Variants in PDE6C observed in about 807,000 individuals in gnomAD.
PDE6C encodes phosphodiesterase 6C, also known as cone cGMP-specific 3',5'-cyclic phosphodiesterase subunit alpha'.
Under a neutral mutation model 113.1 loss-of-function variants are expected in PDE6C, and 75 were observed. The observed-to-expected ratio is 0.66, with a 90% CI of 0.55 to 0.80. The LOEUF (loss-of-function observed/expected upper bound fraction) is 0.80. PDE6C is among the 30% of genes least tolerant of loss of function. PDE6C has a pLI of 0.00. For missense variants in PDE6C, 912 were observed against 1,038.6 expected (o/e 0.88, Z 1.67); for synonymous variants, 375 against 363.7 (o/e 1.03, Z -0.35).
intron 5 of PDE6C, among the ~76,000 whole-genome samples, chr10:93,625,938 A>C: frequency 6.6e-6 from 1 of 152,202 alleles, no homozygotes; most frequent in Non-Finnish European, 1.5e-5. Flanking sequence ...CAACATTTTA[A>C]AGAAGTACCT....
Position 93,620,968 on chromosome 10 carries a change from C to T in PDE6C, c.711C>T (p.Ser237=), listed in dbSNP as rs772619641. 1.9e-6 allele frequency: 3 copies of T among 1,613,358 alleles called. No homozygotes were observed. In the Admixed American group the frequency reaches 5.0e-5, roughly 27 times the overall value. The part of the protein sequence containing the change: ...HHTSYMYNIE[S]RRSQILMWSA... ...CCAGCTACATGTACAATATTGAATC[C>T]CGAAGAAGCCAGGTAAAAGGAAGGC... The change falls in exon 3 of 22, where the codon TCC becomes TCT. Residue 237 remains serine (S), a synonymous_variant. Coordinates refer to ENST00000371447, the MANE Select transcript of PDE6C (RefSeq NM_006204.4).
intron 1 of PDE6C, among the ~76,000 whole-genome samples, chr10:93,616,747 A>G (rs1345059843): frequency 1.4e-5 from 2 of 139,290 alleles, no homozygotes; most frequent in Non-Finnish European, 3.0e-5. Context: ...TCTGCCTCCC[A>G]AGTTAGAGCC....
intron 15 of PDE6C, among the ~76,000 whole-genome samples, chr10:93,650,866 CAT>C (rs143950050): frequency 0.011 from 1,573 of 148,600 alleles, 28 homozygotes; most frequent in African/African-American, 0.035. Context: ...CTTTTTCCCA[CAT>C]GTCTGTTTTA....
intron 8 of PDE6C, among the ~76,000 whole-genome samples, chr10:93,630,668 C>G (rs2058496989): frequency 6.6e-6 from 1 of 152,086 alleles, no homozygotes; most frequent in Non-Finnish European, 1.5e-5. Context: ...GTTTTTCTGT[C>G]TCTCTCACAT....
chr10:93,633,653 A>G (rs1178638730), intron 8 of PDE6C, among the ~76,000 whole-genome samples: 2 of 152,150 alleles, frequency 1.3e-5, no homozygotes, highest in Non-Finnish European at 2.9e-5. Flanking sequence ...AGTTCCTGGC[A>G]TACCACAGAG....
At chr10:93,615,184 T>C (rs2058414523) in intron 1 of PDE6C, among the ~76,000 whole-genome samples, 1 of 151,966 alleles carries the variant, frequency 6.6e-6, no homozygotes. Context: ...CCCAGCTACT[T>C]GGAAGGTTGA....
intron 1 of PDE6C, among the ~76,000 whole-genome samples, chr10:93,614,493 TAGGGCAAAGTTCTCTA>T (rs1410802037): frequency 3.3e-5 from 5 of 152,320 alleles, no homozygotes; most frequent in Admixed American, 2.6e-4. Flanking sequence ...TGCTCATCCT[TAGGGCAAAGTTCTCTA>T]GACAACCAAC....
chr10:93,630,230 A>G (rs1009646997), intron 8 of PDE6C, among the ~76,000 whole-genome samples: 1 of 151,998 alleles, frequency 6.6e-6, no homozygotes, highest in Admixed American at 6.6e-5. Flanking sequence ...AGATGCTCCC[A>G]GGAATCAGCT....
chr10:93,658,724 T>C (rs2133877104), intron 16 of PDE6C, among the ~76,000 whole-genome samples, 177 bp from the exon 17 acceptor site: 1 of 152,088 alleles, frequency 6.6e-6, no homozygotes, highest in South Asian at 2.1e-4. Context: ...CTTAAACCCT[T>C]TCTGAGCCAA....
chr10:93,634,959 A>C, intron 9 of PDE6C, 52 bp downstream of exon 9: 3 of 1,565,466 alleles, frequency 1.9e-6, no homozygotes, highest in Non-Finnish European at 2.6e-6. Flanking sequence ...AAAATAAGAG[A>C]GGGCACGTAA....
rs762930060 is a variant in PDE6C at position 93,659,000 on chromosome 10, G to C, written c.2136G>C (p.Glu712Asp). The C allele has an allele frequency of 1.9e-6, 3 of 1,597,680 alleles. No individual in the cohort carries two copies. Among genetic ancestry groups the C allele is most frequent in the Non-Finnish European group, 2.6e-6 (3 of 1,165,340 alleles). The change falls in exon 17 of 22, where the codon GAG (glutamate) becomes GAC (aspartate). Residue 712 changes from glutamate to aspartate, a missense_variant. Transcript: ENST00000371447. Reference sequence around the variant, plus strand: ...TAACTGTTGATCCAACCAAGAAAGAGATTATCATGTAGGTAGTTGAAATTG... The same window carrying C: ...TAACTGTTGATCCAACCAAGAAAGACATTATCATGTAGGTAGTTGAAATTG... Reference protein sequence around the residue: ...KYVTVDPTKKEIIMAMMMTAC... With the variant: ...KYVTVDPTKKDIIMAMMMTAC...
intron 11 of PDE6C, among the ~76,000 whole-genome samples, chr10:93,638,764 G>A (rs1564800830): frequency 1.3e-5 from 2 of 152,150 alleles, no homozygotes; most frequent in Non-Finnish European, 2.9e-5. Context: ...ACGTACCTGA[G>A]TCTCTCTCCA....
intron 21 of PDE6C, among the ~76,000 whole-genome samples, chr10:93,663,952 G>A (rs747616440): frequency 1.3e-5 from 2 of 152,114 alleles, no homozygotes; most frequent in African/African-American, 2.4e-5. Context: ...GAAAGGCCCT[G>A]ACATGTTCCT....
At position 93,624,860 on chromosome 10, in the gene PDE6C, G is replaced by A. The variant is rs368351938; in HGVS notation, c.865-715G>A. Among the ~76,000 whole-genome samples the A allele has an allele frequency of 7.7e-4, 118 of 152,272 alleles. 1 individual carries two copies. Among genetic ancestry groups the A allele is most frequent in the South Asian group, 5.8e-3 (28 of 4,818 alleles). On this transcript the variant is annotated intron_variant, in intron 4 of 21. Transcript: ENST00000371447. ...TGGCAAGGTCTCTGCTACCTGCAGC[G>A]TGCTGGTGAGGCCTCCTCTTATGGT...
chr10:93,659,843 T>A (rs2058658053), intron 18 of PDE6C, among the ~76,000 whole-genome samples: 1 of 152,184 alleles, frequency 6.6e-6, no homozygotes, highest in Non-Finnish European at 1.5e-5. Context: ...GATGCATCGT[T>A]AGTGTTTTCC....
At chr10:93,635,425 G>T (rs761235570) in intron 9 of PDE6C, 72 bp from the exon 10 acceptor site, 2 of 1,149,582 alleles carry the variant, frequency 1.7e-6, no homozygotes, top group Non-Finnish European at 2.6e-6. Context: ...ATAGAAAAGC[G>T]TGCAGATTGT....
intron 11 of PDE6C, among the ~76,000 whole-genome samples, chr10:93,638,515 C>A (rs1234140420): frequency 1.3e-5 from 2 of 152,144 alleles, no homozygotes; most frequent in Non-Finnish European, 2.9e-5. Context: ...ATCCGTGTCA[C>A]CAGAAATTCT....
intron 16 of PDE6C, among the ~76,000 whole-genome samples, chr10:93,656,323 AT>A (rs1434796427): frequency 6.6e-6 from 1 of 152,190 alleles, no homozygotes; most frequent in Non-Finnish European, 1.5e-5. Flanking sequence ...ATTGACACAC[AT>A]TAACCAAACT....
At chr10:93,648,059 CT>C (rs2058592832) in intron 15 of PDE6C, among the ~76,000 whole-genome samples, 1 of 152,184 alleles carries the variant, frequency 6.6e-6, no homozygotes, top group South Asian at 2.1e-4. Context: ...AAACAAAATA[CT>C]GTTTTAAAAC....
Sources: gnomAD v4.1 joint callset for allele counts (sites outside exome capture counted in the v4.1 genomes callset) on GRCh38, gnomAD v4.1.1 for gene constraint, MANE v1.5 for transcripts, NCBI Gene and HGNC (gene_info 2026-07-23, HGNC 2026-07-21) for gene names.